Variants in FUNDC2 observed in about 807,000 individuals in gnomAD.
The protein encoded by FUNDC2 is FUN14 domain-containing protein 2.
FUNDC2 carries 4 observed loss-of-function variants against 15.6 expected under a neutral mutation model. The observed-to-expected ratio is 0.26, with a 90% CI of 0.13 to 0.59. FUNDC2 has a LOEUF of 0.59. Among genes scored for constraint, FUNDC2 ranks in the 20% least tolerant of loss-of-function variants. The pLI, the probability that FUNDC2 is intolerant of heterozygous loss-of-function variation, is 0.90. For synonymous variants in FUNDC2, 44 were observed against 56.9 expected, an observed-to-expected ratio of 0.77 and a Z score of 1.02; for missense variants, 98 against 149.7, an observed-to-expected ratio of 0.65 and a Z score of 1.80.
intron 3 of FUNDC2, 78 bp from the exon 4 acceptor site, chrX:155,051,592 A>G (rs2073879778): frequency 1.9e-6 from 2 of 1,053,264 alleles, no homozygotes; most frequent in Admixed American, 5.1e-5. Flanking sequence ...TCGAGAGTCT[A>G]CTTCAGGATT....
chrX:155,031,645 T>A (rs1164829780), intron 1 of FUNDC2, among the ~76,000 whole-genome samples: 2 of 112,789 alleles, frequency 1.8e-5, no homozygotes, highest in Admixed American at 9.3e-5. Context: ...ATTTCTTTTA[T>A]TTAAACAAAT....
intron 4 of FUNDC2, among the ~76,000 whole-genome samples, chrX:155,053,123 C>T (rs1449689535): frequency 8.0e-5 from 9 of 112,585 alleles, no homozygotes; most frequent in Admixed American, 7.5e-4. Flanking sequence ...CCCACCTCGG[C>T]CTCCCAAAGT....
In FUNDC2 at chrX:155,058,480, T is replaced by C. The variant is rs2073916438; in HGVS notation, c.*3808T>C. 9.0e-6 allele frequency: 1 copy of C among 110,746 alleles called. No homozygotes were observed. Among genetic ancestry groups the C allele is most frequent in the Non-Finnish European group, 1.9e-5 (1 of 52,958 alleles). The allele number at this position is 110,746 out of a possible 1,213,427, so 9.1% of individuals were successfully genotyped here. A position where few individuals can be genotyped will look rare whatever the true frequency, so the allele number is the denominator to read the frequency against. The stretch of plus-strand genomic sequence containing the variant: ...AGATGGTATACTGATGGATTTGAAA[T>C]TTCTGAGTATCATCAATGTTTCATG... On this transcript the variant is annotated 3_prime_UTR_variant, in exon 5 of 5. Coordinates refer to ENST00000369498, the MANE Select transcript of FUNDC2 (RefSeq NM_023934.4).
At chrX:155,032,027 G>A (rs2073816633) in intron 1 of FUNDC2, among the ~76,000 whole-genome samples, 1 of 108,724 alleles carries the variant, frequency 9.2e-6, no homozygotes, top group Non-Finnish European at 1.9e-5. Context: ...CCAGGCTGGA[G>A]TGAAGTGGCG....
At chrX:155,027,203 G>T in intron 1 of FUNDC2, 132 bp downstream of exon 1, 1 of 737,777 alleles carries the variant, frequency 1.4e-6, no homozygotes, top group Non-Finnish European at 1.8e-6. Flanking sequence ...GACGGGGAGG[G>T]CGCTCGGGGA....
rs1358982561 is a variant in FUNDC2 at position 155,057,032 on chromosome X, GGCCTCATCC to G, written c.*2361_*2369del. The G allele has an allele frequency of 5.1e-5, 5 of 98,177 alleles. No individual in the cohort carries two copies. Among genetic ancestry groups the G allele is most frequent in the Non-Finnish European group, 6.5e-5 (3 of 46,157 alleles). 8.1% of individuals were successfully genotyped at this position (98,177 alleles called of 1,213,427 possible). A position where few individuals can be genotyped will look rare whatever the true frequency, so the allele number is the denominator to read the frequency against. ...ATGGTTGAGGTCAGTATTGCAGGTTGGCCTCATCCTGCTAGTATGAGAACGGCTGTGAGT... is the reference window on the plus strand; with the variant it reads ...ATGGTTGAGGTCAGTATTGCAGGTTGTGCTAGTATGAGAACGGCTGTGAGT... On this transcript the variant is annotated 3_prime_UTR_variant, in exon 5 of 5. Transcript: ENST00000369498.
At position 155,032,529 on chromosome X, in the gene FUNDC2, G is replaced by A. The variant is rs781892914; in HGVS notation, c.134-874G>A. 1.0e-4 allele frequency among the ~76,000 whole-genome samples: 11 copies of A among 109,799 alleles called. No homozygotes were observed. In the East Asian group the frequency reaches 1.4e-3, roughly 14 times the overall value. On this transcript the variant is annotated intron_variant, in intron 1 of 4. Coordinates refer to ENST00000369498, the MANE Select transcript of FUNDC2 (RefSeq NM_023934.4). ...GACCTCAGGTGATCCACCTGCCTCC[G>A]GCCTCCCAAAGTGCTGGGATTACAG...
Position 155,054,727 on chromosome X carries a change from A to C in FUNDC2, c.*55A>C, listed in dbSNP as rs1449760370. 9.9e-7 allele frequency: 1 copy of C among 1,014,410 alleles called. No individual in the cohort carries two copies. The highest frequency in any genetic ancestry group is 1.4e-6 in the Non-Finnish European group (1 of 719,698). The allele number at this position is 1,014,410 out of a possible 1,213,427, so 83.6% of individuals were successfully genotyped here. A position where few individuals can be genotyped will look rare whatever the true frequency, so the allele number is the denominator to read the frequency against. ...GTTTTTTCCAGCCAGCAGCCTCTAC[A>C]CTCCATCATAGGACATCGAGTCCCT... On this transcript the variant is annotated 3_prime_UTR_variant, in exon 5 of 5. Coordinates refer to ENST00000369498, the MANE Select transcript of FUNDC2 (RefSeq NM_023934.4).
Position 155,055,237 on chromosome X carries a change from G to A in FUNDC2, c.*565G>A, listed in dbSNP as rs909369292. The stretch of plus-strand genomic sequence containing the variant: ...TACTGTAATTGAAAAATCTGATATT[G>A]TCCAGGAATGCTTTCTACCGTACAG... On this transcript the variant is annotated 3_prime_UTR_variant, in exon 5 of 5. Transcript: ENST00000369498. The A allele has an allele frequency of 1.0e-5, 3 of 295,884 alleles. No homozygotes were observed. The Admixed American group carries it at 1.8e-4, about 18-fold the overall frequency. 24.4% of individuals were successfully genotyped at this position (295,884 alleles called of 1,213,427 possible).
In FUNDC2 at chrX:155,051,584, G is replaced by A. The variant is rs1429684627; in HGVS notation, c.361-86G>A. 3.9e-6 allele frequency: 4 copies of A among 1,026,802 alleles called. No individual in the cohort carries two copies. The Admixed American group carries it at 8.1e-5, about 21-fold the overall frequency. 84.6% of individuals were successfully genotyped at this position (1,026,802 alleles called of 1,213,427 possible). Reference sequence around the variant, plus strand: ...CAAAAATGGAAAGTCAGAGGGTTTCGAGAGTCTACTTCAGGATTTATCCTG... The same window carrying A: ...CAAAAATGGAAAGTCAGAGGGTTTCAAGAGTCTACTTCAGGATTTATCCTG... On this transcript the variant is annotated intron_variant, in intron 3 of 4. Transcript: ENST00000369498.
Position 155,055,623 on chromosome X carries a change from TAC to T in FUNDC2, c.*968_*969del, listed in dbSNP as rs372003545. On this transcript the variant is annotated 3_prime_UTR_variant, in exon 5 of 5. Transcript: ENST00000369498. ...CCCTGAGAATTATTCTTTAAAAGCT[TAC>T]ACACACACACACACACGGGCACACA... The T allele has an allele frequency of 9.4e-3, 1,642 of 175,550 alleles. No homozygotes were observed. The highest frequency in any genetic ancestry group is 0.017 in the East Asian group (183 of 10,564). The allele number at this position is 175,550 out of a possible 1,213,427, so 14.5% of individuals were successfully genotyped here.
In FUNDC2 at chrX:155,042,716, G is replaced by A. The variant is rs1431400987; in HGVS notation, c.285-3793G>A. 2.7e-5 allele frequency among the ~76,000 whole-genome samples: 3 copies of A among 111,669 alleles called. No homozygotes were observed. The East Asian group carries it at 8.4e-4, about 31-fold the overall frequency. On this transcript the variant is annotated intron_variant, in intron 2 of 4. Coordinates refer to ENST00000369498, the MANE Select transcript of FUNDC2 (RefSeq NM_023934.4). ...ATAATTGTACATTCACATGCAGTTA[G>A]AAATAATCCATAGAGGTCTTATACC... is the stretch of plus-strand genomic sequence containing the variant.
intron 2 of FUNDC2, among the ~76,000 whole-genome samples, chrX:155,042,175 C>CTTTTTTTTTTTTTTTTTTTTTT (rs1175079092): frequency 5.1e-5 from 2 of 39,187 alleles, no homozygotes; most frequent in African/African-American, 1.3e-4. Context: ...CTTTTTCTAT[C>CTTTTTTTTTTTTTTTTTTTTTT]TTTTTTTTTT....
chrX:155,029,215 G>A (rs1557288518), intron 1 of FUNDC2, among the ~76,000 whole-genome samples: 3 of 112,147 alleles, frequency 2.7e-5, no homozygotes, highest in African/African-American at 6.5e-5. Context: ...CTATCTATCT[G>A]TGTGAGTGTA....
chrX:155,038,665 T>C (rs1271892888), intron 2 of FUNDC2, among the ~76,000 whole-genome samples: 2 of 112,588 alleles, frequency 1.8e-5, no homozygotes, highest in Non-Finnish European at 3.8e-5. Context: ...GGTTAATCCA[T>C]GTTGTCACAA....
chrX:155,031,875 A>G (rs1055192125), intron 1 of FUNDC2, among the ~76,000 whole-genome samples: 2 of 112,000 alleles, frequency 1.8e-5, no homozygotes, highest in African/African-American at 3.3e-5. Flanking sequence ...TGGGTATAGT[A>G]GGGGAGCCTG....
In FUNDC2 at chrX:155,056,355, CTCA is replaced by C. The variant is rs1298977948; in HGVS notation, c.*1688_*1690del. The C allele has an allele frequency of 1.8e-5, 2 of 111,044 alleles. No individual in the cohort carries two copies. Among genetic ancestry groups the C allele is most frequent in the African/African-American group, 6.6e-5 (2 of 30,478 alleles). The allele number at this position is 111,044 out of a possible 1,213,427, so 9.2% of individuals were successfully genotyped here. On this transcript the variant is annotated 3_prime_UTR_variant, in exon 5 of 5. Transcript: ENST00000369498. ...AATTATTTCTAAAAATCATAAATAC[CTCA>C]TCATATCAGACATTAACAGTAATTA... is the stretch of plus-strand genomic sequence containing the variant.
chrX:155,038,395 T>C (rs1385272431), intron 2 of FUNDC2, among the ~76,000 whole-genome samples: 4 of 111,990 alleles, frequency 3.6e-5, no homozygotes, highest in African/African-American at 9.7e-5. Flanking sequence ...CCTACTCTTA[T>C]AGCAATTTTC....
chrX:155,028,067 A>T (rs1386931407), intron 1 of FUNDC2, among the ~76,000 whole-genome samples: 2 of 111,190 alleles, frequency 1.8e-5, no homozygotes, highest in Non-Finnish European at 3.8e-5. Context: ...ATAGACTTTT[A>T]TAAGAGCAGA....
Sources: gnomAD v4.1 joint callset for allele counts (sites outside exome capture counted in the v4.1 genomes callset) on GRCh38, gnomAD v4.1.1 for gene constraint, MANE v1.5 for transcripts, NCBI Gene and HGNC (gene_info 2026-07-23, HGNC 2026-07-21) for gene names.